Variants in RBFOX1 observed in about 807,000 individuals in gnomAD.
The protein encoded by RBFOX1 is RNA binding protein fox-1 homolog 1.
Under a neutral mutation model 57.7 loss-of-function variants are expected in RBFOX1, and 8 were observed. The ratio of observed to expected loss-of-function variants is 0.14; its 90% CI spans 0.08 to 0.25. The LOEUF is 0.25. Among genes scored for constraint, RBFOX1 ranks in the 10% least tolerant of loss-of-function variants. The pLI is 1.00. For missense variants in RBFOX1, 611 were observed against 548.5 expected (o/e 1.11, Z -1.14); for synonymous variants, 326 against 222.4 (o/e 1.47, Z -4.15).
At chr16:5,594,114 C>T (rs969879062) in intron 2 of RBFOX1, among the ~76,000 whole-genome samples, 1 of 152,048 alleles carries the variant, frequency 6.6e-6, no homozygotes, top group African/African-American at 2.4e-5. Context: ...CATCATGCAC[C>T]CAGAACCCCA....
chr16:7,178,182 C>T (rs765547467), intron 4 of RBFOX1, among the ~76,000 whole-genome samples: 1 of 152,212 alleles, frequency 6.6e-6, no homozygotes. Flanking sequence ...TCATGCAAAG[C>T]CCACCATGGG....
chr16:6,466,186 C>T (rs1458991334), intron 2 of RBFOX1, among the ~76,000 whole-genome samples: 4 of 149,706 alleles, frequency 2.7e-5, no homozygotes, highest in Non-Finnish European at 5.9e-5. Context: ...GCTGAGGTTG[C>T]ACCACTGCAC....
chr16:5,910,782 T>G (rs2058584269), intron 4 of RBFOX1, among the ~76,000 whole-genome samples: 1 of 152,208 alleles, frequency 6.6e-6, no homozygotes, highest in African/African-American at 2.4e-5. Flanking sequence ...TGTTTGTTTT[T>G]GCCCATCTGA....
chr16:7,499,251 C>A (rs548345937), intron 4 of RBFOX1, among the ~76,000 whole-genome samples: 2 of 152,256 alleles, frequency 1.3e-5, no homozygotes, highest in African/African-American at 2.4e-5. Flanking sequence ...TCTTTGGCAT[C>A]CCTTGAGTTG....
intron 4 of RBFOX1, among the ~76,000 whole-genome samples, chr16:7,155,718 TATATATATATATATATATATACAC>T (rs2076955699): frequency 1.3e-5 from 1 of 79,596 alleles, no homozygotes; most frequent in African/African-American, 5.3e-5. Context: ...AAAAAATATA[TATATATATATATATATATATACAC>T]ACACACACAC....
At chr16:7,545,194 G>C (rs1203094213) in intron 5 of RBFOX1, among the ~76,000 whole-genome samples, 2 of 152,156 alleles carry the variant, frequency 1.3e-5, no homozygotes, top group South Asian at 4.2e-4. Context: ...GGGAGAACAC[G>C]GTTAAAGTAA....
In RBFOX1 at chr16:5,811,400, C is replaced by G. The variant is rs1259578991; in HGVS notation, c.319-55903C>G. Among the ~76,000 whole-genome samples, 7 of 151,730 alleles carry G rather than the reference C, an allele frequency of 4.6e-5. No individual in the cohort carries two copies. In the South Asian group the frequency reaches 1.2e-3, roughly 27 times the overall value. On this transcript the variant is annotated intron_variant, in intron 3 of 19. Transcript: ENST00000641259. ...TCAGGTGATCCGCCTGCCTCGGCCTCTCAAAGTGCTGGGATTACAGGTGTG... is the reference window on the plus strand; with the variant it reads ...TCAGGTGATCCGCCTGCCTCGGCCTGTCAAAGTGCTGGGATTACAGGTGTG...
chr16:6,779,965 A>T (rs866151647), intron 3 of RBFOX1, among the ~76,000 whole-genome samples: 526 of 40,332 alleles, frequency 0.013, 1 homozygote, highest in Non-Finnish European at 0.016. Flanking sequence ...TTATATATTT[A>T]TATATATTTA....
chr16:7,047,576 T>C (rs1331642240), intron 3 of RBFOX1, among the ~76,000 whole-genome samples: 1 of 151,516 alleles, frequency 6.6e-6, no homozygotes, highest in Non-Finnish European at 1.5e-5. Flanking sequence ...ATTGTTTATA[T>C]CTTTTGTCAA....
chr16:6,123,093 A>C (rs1021822621), intron 1 of RBFOX1, among the ~76,000 whole-genome samples: 6 of 152,208 alleles, frequency 3.9e-5, no homozygotes, highest in African/African-American at 1.4e-4. Context: ...AAATTTTAGG[A>C]GATCCCTCAA....
Position 6,668,967 on chromosome 16 carries a change from G to T in RBFOX1, c.-16+14317G>T, listed in dbSNP as rs1290358783. On this transcript the variant is annotated intron_variant, in intron 3 of 15. Coordinates refer to ENST00000550418, the MANE Select transcript of RBFOX1 (RefSeq NM_018723.4). ...GGCAGTGGCTTTTTTGTGATGAGTG[G>T]AGTGAACGTTAATTAATTTTTCTTT... 2.6e-5 allele frequency among the ~76,000 whole-genome samples: 4 copies of T among 152,182 alleles called. No homozygotes were observed. The East Asian group carries it at 7.7e-4, about 29-fold the overall frequency.
intron 4 of RBFOX1, among the ~76,000 whole-genome samples, chr16:7,263,388 C>A (rs1422168572): frequency 3.3e-5 from 5 of 152,164 alleles, no homozygotes; most frequent in Non-Finnish European, 5.9e-5. Context: ...GACTAGAAGA[C>A]ATTGATTCTC....
intron 1 of RBFOX1, among the ~76,000 whole-genome samples, chr16:6,053,924 C>T (rs1212530847): frequency 3.3e-5 from 5 of 152,102 alleles, no homozygotes; most frequent in Admixed American, 3.3e-4. Context: ...AGCATGGTGG[C>T]ATGTACCTGT....
intron 3 of RBFOX1, among the ~76,000 whole-genome samples, chr16:6,903,448 G>T (rs1300646207): frequency 6.6e-6 from 1 of 152,176 alleles, no homozygotes; most frequent in East Asian, 1.9e-4. Flanking sequence ...TGCCATCATT[G>T]CTTATCTGTC....
chr16:7,528,021 G>C (rs1378106784), intron 5 of RBFOX1, among the ~76,000 whole-genome samples: 1 of 152,192 alleles, frequency 6.6e-6, no homozygotes, highest in Non-Finnish European at 1.5e-5. Flanking sequence ...CAAACTATCA[G>C]TACAAGCTGT....
chr16:6,967,036 A>G (rs967663493), intron 3 of RBFOX1, among the ~76,000 whole-genome samples: 25 of 152,058 alleles, frequency 1.6e-4, no homozygotes, highest in Non-Finnish European at 2.6e-4. Flanking sequence ...ACTTATCTGT[A>G]CGTGCATCCA....
chr16:6,887,411 T>C (rs1052155017), intron 3 of RBFOX1, among the ~76,000 whole-genome samples: 3 of 152,280 alleles, frequency 2.0e-5, no homozygotes, highest in South Asian at 2.1e-4. Flanking sequence ...CGAAAGGATA[T>C]GGTTGTATCA....
chr16:7,076,882 C>T (rs547954088), intron 4 of RBFOX1, among the ~76,000 whole-genome samples: 5 of 152,162 alleles, frequency 3.3e-5, no homozygotes, highest in Admixed American at 6.5e-5. Flanking sequence ...CTCTGGAGAC[C>T]AGTGAACAGA....
chr16:6,175,506 G>A (rs893401467), intron 1 of RBFOX1, among the ~76,000 whole-genome samples: 1 of 152,090 alleles, frequency 6.6e-6, no homozygotes, highest in African/African-American at 2.4e-5. Flanking sequence ...TGTAGGTCGG[G>A]GGGGTGGGGG....
Sources: gnomAD v4.1 joint callset for allele counts (sites outside exome capture counted in the v4.1 genomes callset) on GRCh38, gnomAD v4.1.1 for gene constraint, MANE v1.5 for transcripts, NCBI Gene and HGNC (gene_info 2026-07-23, HGNC 2026-07-21) for gene names.